The following SNTG1 variants were observed in gnomAD, a reference collection of about 807,000 sequenced individuals.
SNTG1 encodes the protein gamma-1-syntrophin.
In SNTG1, 39 loss-of-function variants were observed where a neutral mutation model predicts 74.7. The observed-to-expected ratio is 0.52, with a 90% confidence interval of 0.40 to 0.68. The LOEUF (loss-of-function observed/expected upper bound fraction) is 0.68. SNTG1 is among the 30% of genes least tolerant of loss of function. The pLI is 0.00. For missense variants in SNTG1, 685 were observed against 609.5 expected, an observed-to-expected ratio of 1.12 and a Z score of -1.30; for synonymous variants, 254 against 217.1, an observed-to-expected ratio of 1.17 and a Z score of -1.49.
chr8:50,632,597 A>G (rs1271390289), intron 13 of SNTG1, among the ~76,000 whole-genome samples: 2 of 152,232 alleles, frequency 1.3e-5, no homozygotes, highest in Non-Finnish European at 2.9e-5. Flanking sequence ...GGCATGAGCC[A>G]CCACACCCAG....
chr8:50,305,332 C>T (rs1048658449), intron 2 of SNTG1, among the ~76,000 whole-genome samples: 4 of 151,830 alleles, frequency 2.6e-5, no homozygotes, highest in African/African-American at 9.7e-5. Context: ...TCAATTTTTG[C>T]TCGGGTGATA....
intron 8 of SNTG1, among the ~76,000 whole-genome samples, chr8:50,466,154 T>C (rs1276718977): frequency 6.6e-6 from 1 of 152,154 alleles, no homozygotes; most frequent in African/African-American, 2.4e-5. Flanking sequence ...TACTCCACTT[T>C]CTTTTAGAAT....
chr8:50,630,987 C>G (rs1301199923), intron 13 of SNTG1, among the ~76,000 whole-genome samples: 1 of 152,142 alleles, frequency 6.6e-6, no homozygotes, highest in Non-Finnish European at 1.5e-5. Flanking sequence ...TGTACATATC[C>G]AGGGAGAAAG....
chr8:50,687,206 C>T (rs775509185), intron 15 of SNTG1, among the ~76,000 whole-genome samples: 11 of 149,148 alleles, frequency 7.4e-5, no homozygotes, highest in Non-Finnish European at 1.6e-4. Flanking sequence ...AACCATGAAA[C>T]CACAAAGAAA....
At position 50,794,239 on chromosome 8, in the gene SNTG1, T is replaced by A. The variant is rs1379065173; in HGVS notation, c.*1410T>A. 6.6e-6 allele frequency: 1 copy of A among 151,854 alleles called. No homozygotes were observed. The highest frequency in any genetic ancestry group is 2.4e-5 in the African/African-American group (1 of 41,390). The allele number at this position is 151,854 out of a possible 1,614,324, so 9.4% of individuals were successfully genotyped here. ...GATTCAATTTTTTTTTTCAAATATG[T>A]TTTTAAAAATCACTCAAGAAGGAAA... On this transcript the variant is annotated 3_prime_UTR_variant, in exon 19 of 19. Transcript: ENST00000642720.
rs747482110 is a variant in SNTG1, at chr8:50,656,970, C to T, written c.911C>T (p.Ser304Phe). The change falls in exon 14 of 19, where the codon TCC becomes TTC. Residue 304 changes from serine (S) to phenylalanine (F), a missense_variant. Transcript: ENST00000642720. ...GACCCCCTCCAGGACAGAGTGTACT[C>T]CCCGACCTTCCTGGCCCTGAGGGGC... ...EQDPLQDRVYSPTFLALRGSC... is the reference protein window; with the variant it reads ...EQDPLQDRVYFPTFLALRGSC... 5.4e-5 allele frequency: 86 copies of T among 1,596,838 alleles called. No individual in the cohort carries two copies. The highest frequency in any genetic ancestry group is 7.0e-5 in the Non-Finnish European group (82 of 1,172,064).
At chr8:50,170,095 T>G (rs573629125) in intron 1 of SNTG1, among the ~76,000 whole-genome samples, 47 of 152,330 alleles carry the variant, frequency 3.1e-4, no homozygotes, top group African/African-American at 1.1e-3. Flanking sequence ...AGTGGTACTT[T>G]GGACATTGTG....
intron 13 of SNTG1, among the ~76,000 whole-genome samples, chr8:50,643,152 A>G (rs566027590): frequency 5.8e-4 from 89 of 152,354 alleles, no homozygotes; most frequent in Admixed American, 5.9e-4. Context: ...CAGATAAAGA[A>G]TGCATTTTAG....
chr8:50,663,962 C>G (rs2095238191), intron 15 of SNTG1, among the ~76,000 whole-genome samples: 1 of 152,102 alleles, frequency 6.6e-6, no homozygotes, highest in Admixed American at 6.6e-5. Flanking sequence ...CAATTCTATC[C>G]TGATGACTCC....
chr8:49,972,116 T>C (rs1266718081), intron 1 of SNTG1, among the ~76,000 whole-genome samples: 5 of 152,114 alleles, frequency 3.3e-5, no homozygotes, highest in Non-Finnish European at 5.9e-5. Context: ...CTTCAAACTA[T>C]ACTACAAGGC....
At chr8:50,192,064 A>G (rs2083597853) in intron 2 of SNTG1, among the ~76,000 whole-genome samples, 2 of 152,156 alleles carry the variant, frequency 1.3e-5, no homozygotes, top group East Asian at 1.9e-4. Context: ...AGCCACAGAG[A>G]AGGCTTCCGT....
At chr8:50,057,946 T>C (rs757543683) in intron 1 of SNTG1, among the ~76,000 whole-genome samples, 1 of 152,186 alleles carries the variant, frequency 6.6e-6, no homozygotes, top group Non-Finnish European at 1.5e-5. Context: ...TTTTAATTTA[T>C]TGAATATTAT....
chr8:50,649,212 C>G (rs2095129119), intron 13 of SNTG1, among the ~76,000 whole-genome samples: 1 of 152,174 alleles, frequency 6.6e-6, no homozygotes, highest in Non-Finnish European at 1.5e-5. Context: ...ACATACTTCT[C>G]TAGTGCACTT....
At chr8:50,775,487 C>G (rs1204923132) in intron 18 of SNTG1, among the ~76,000 whole-genome samples, 2 of 151,580 alleles carry the variant, frequency 1.3e-5, no homozygotes, top group African/African-American at 2.4e-5. Context: ...GGTCAGAAAA[C>G]ACACCTTCTA....
chr8:50,630,526 A>G (rs115595273), intron 13 of SNTG1, among the ~76,000 whole-genome samples: 6,561 of 152,280 alleles, frequency 0.043, 248 homozygotes, highest in African/African-American at 0.095. Context: ...CTATAAGATG[A>G]GTTGTTTTAA....
intron 18 of SNTG1, among the ~76,000 whole-genome samples, chr8:50,775,003 T>C (rs746092182): frequency 1.2e-4 from 18 of 150,682 alleles, no homozygotes; most frequent in Non-Finnish European, 1.2e-4. Flanking sequence ...TATAAAAGTG[T>C]ATACATATAT....
At chr8:50,150,156 T>C (rs2082015938) in intron 1 of SNTG1, among the ~76,000 whole-genome samples, 1 of 152,178 alleles carries the variant, frequency 6.6e-6, no homozygotes, top group South Asian at 2.1e-4. Flanking sequence ...TTTGAAGCAA[T>C]TGTGAAGGGG....
intron 2 of SNTG1, among the ~76,000 whole-genome samples, chr8:50,336,787 C>T (rs781497661): frequency 3.9e-5 from 6 of 152,232 alleles, no homozygotes; most frequent in Middle Eastern, 3.4e-3. Flanking sequence ...GTGTGCTAGG[C>T]ATGAGTTTTC....
At chr8:50,606,031 T>G (rs2094809836) in intron 13 of SNTG1, among the ~76,000 whole-genome samples, 1 of 152,154 alleles carries the variant, frequency 6.6e-6, no homozygotes, top group Non-Finnish European at 1.5e-5. Context: ...TTGCTAGTAT[T>G]TTGTTGAGAG....
Sources: allele counts gnomAD v4.1 joint callset (sites outside exome capture counted in the v4.1 genomes callset), GRCh38; gene constraint gnomAD v4.1.1; transcripts MANE v1.5; gene names NCBI Gene and HGNC (gene_info 2026-07-23, HGNC 2026-07-21).